Variants in PHF20L1 observed in about 807,000 individuals in gnomAD.
PHF20L1 encodes PHD finger protein 20 like 1, also known as PHD finger protein 20-like protein 1.
A neutral mutation model predicts 125.5 loss-of-function variants in PHF20L1; 44 were observed. That is an observed-to-expected ratio of 0.35 (90% CI 0.28 to 0.45). The LOEUF (loss-of-function observed/expected upper bound fraction) is 0.45, where lower values mean the gene tolerates loss of function less well. PHF20L1 is among the 20% of genes least tolerant of loss of function. PHF20L1 has a pLI of 1.00. For missense variants in PHF20L1, 1,012 were observed against 1,217.2 expected, an observed-to-expected ratio of 0.83 and a Z score of 2.51; for synonymous variants, 380 against 403.1, an observed-to-expected ratio of 0.94 and a Z score of 0.69.
At chr8:132,811,235 G>T in intron 9 of PHF20L1, 107 bp downstream of exon 9, 1 of 1,519,328 alleles carries the variant, frequency 6.6e-7, no homozygotes, top group Non-Finnish European at 8.8e-7. Context: ...TATGGGAATA[G>T]GAAGCTAATT....
rs1440143651 is a variant in PHF20L1 at position 132,791,348 on chromosome 8, G to A, written c.84-3062G>A. Among the ~76,000 whole-genome samples, 6 of 151,114 alleles carry A rather than the reference G, an allele frequency of 4.0e-5. No homozygotes were observed. In the East Asian group the frequency reaches 1.2e-3, roughly 29 times the overall value. On this transcript the variant is annotated intron_variant, in intron 2 of 20. Transcript: ENST00000395386. ...GGCTCACTGCAACCTCTGCCTCCCG[G>A]GTTCAAGCGATTCTCCTGCCTCAGC...
At position 132,799,225 on chromosome 8, in the gene PHF20L1, C is replaced by T. The variant is rs112303362; in HGVS notation, c.507+53C>T. 3.0e-4 allele frequency: 312 copies of T among 1,023,012 alleles called. 1 individual carries two copies. In the African/African-American group the frequency reaches 4.5e-3, roughly 15 times the overall value. The allele number at this position is 1,023,012 out of a possible 1,614,324, so 63.4% of individuals were successfully genotyped here. A position where few individuals can be genotyped will look rare whatever the true frequency, so the allele number is the denominator to read the frequency against. On this transcript the variant is annotated intron_variant, in intron 6 of 20. Transcript: ENST00000395386. The stretch of plus-strand genomic sequence containing the variant: ...TTTTGTTTTTCCTGGTATATAATGT[C>T]ATTTAGAAAGTTAAAAATTTTTAAT...
chr8:132,811,830 T>C (rs1834425930), intron 9 of PHF20L1: 8 of 984,660 alleles, frequency 8.1e-6, no homozygotes, highest in Non-Finnish European at 9.6e-6. Context: ...CTGGATTTCC[T>C]TGGTTCTCCT....
At chr8:132,817,600 T>C in intron 12 of PHF20L1, 55 bp downstream of exon 12, 2 of 1,218,260 alleles carry the variant, frequency 1.6e-6, no homozygotes, top group South Asian at 1.4e-5. Flanking sequence ...AGGCTTGCAG[T>C]TATTAGGTAT....
intron 2 of PHF20L1, among the ~76,000 whole-genome samples, chr8:132,788,145 C>T (rs1769292391): frequency 6.6e-6 from 1 of 152,040 alleles, no homozygotes; most frequent in Admixed American, 6.6e-5. Flanking sequence ...AAGAGAACAT[C>T]CTTGTTCAGA....
At position 132,777,858 on chromosome 8, in the gene PHF20L1, A is replaced by C; in HGVS notation, c.30A>C (p.Gly10=). Residue 10 remains glycine (G), a synonymous_variant, in exon 2 of 21, where the codon GGA becomes GGC. Transcript: ENST00000395386. ...GTAAAAAGCCCCCAAATCGCCCTGG[A>C]ATCACTTTTGAGATTGGTGCTCGTT... MSKKPPNRP[G]ITFEIGARLE... 6.2e-7 allele frequency: 1 copy of C among 1,613,422 alleles called. No individual in the cohort carries two copies. Among genetic ancestry groups the C allele is most frequent in the South Asian group, 1.1e-5 (1 of 91,066 alleles).
chr8:132,803,451 T>C (rs939105121), intron 6 of PHF20L1: 1 of 181,332 alleles, frequency 5.5e-6, no homozygotes, highest in Non-Finnish European at 1.1e-5. Context: ...TCCTTTGTAT[T>C]ATGAGAAAGA....
At chr8:132,827,333 A>G (rs1467589019) in intron 14 of PHF20L1, among the ~76,000 whole-genome samples, 1 of 152,052 alleles carries the variant, frequency 6.6e-6, no homozygotes, top group Non-Finnish European at 1.5e-5. Context: ...CAGGCTGCAA[A>G]TAAAACTTCC....
At chr8:132,777,123 C>T (rs1829894861) in intron 1 of PHF20L1, among the ~76,000 whole-genome samples, 1 of 152,080 alleles carries the variant, frequency 6.6e-6, no homozygotes, top group Non-Finnish European at 1.5e-5. Flanking sequence ...GTTATTATTG[C>T]TTGTTGAATG....
At chr8:132,831,865 G>A (rs971607498) in intron 14 of PHF20L1, among the ~76,000 whole-genome samples, 3 of 152,036 alleles carry the variant, frequency 2.0e-5, no homozygotes, top group African/African-American at 4.8e-5. Context: ...AGGCCCCAGT[G>A]TGTGTTGTTC....
intron 18 of PHF20L1, chr8:132,842,288 A>G (rs16904752): frequency 0.011 from 4,304 of 402,792 alleles, 123 homozygotes; most frequent in East Asian, 0.076. Context: ...GATGTGAACT[A>G]TCAACACAAT....
chr8:132,844,607 G>A (rs1195723654), intron 20 of PHF20L1, among the ~76,000 whole-genome samples: 2 of 152,058 alleles, frequency 1.3e-5, no homozygotes. Flanking sequence ...AAATTGATTA[G>A]TTTCATTGAA....
chr8:132,802,259 C>T (rs552070568), intron 6 of PHF20L1, among the ~76,000 whole-genome samples: 6 of 151,280 alleles, frequency 4.0e-5, no homozygotes, highest in South Asian at 4.2e-4. Context: ...AACCTTTCAT[C>T]GCTCTTTCAC....
chr8:132,816,943 A>G lies in PHF20L1; in HGVS notation c.1239A>G (p.Arg413=). 1 of 1,612,370 alleles carries G rather than the reference A, an allele frequency of 6.2e-7. No individual in the cohort carries two copies. The part of the protein sequence containing the change: ...PRPFKHSERR[R]RSQRLATLPM... ...CTTTCAAGCATAGTGAGCGGAGAAGAAGATCTCAGCGTTTAGCCACCTTAC... is the reference window on the plus strand; with the variant it reads ...CTTTCAAGCATAGTGAGCGGAGAAGGAGATCTCAGCGTTTAGCCACCTTAC... Residue 413 remains arginine, a synonymous_variant, in exon 11 of 21, where the codon AGA becomes AGG. Coordinates refer to ENST00000395386, the MANE Select transcript of PHF20L1 (RefSeq NM_016018.5).
At chr8:132,821,511 A>G (rs1835592677) in intron 12 of PHF20L1, among the ~76,000 whole-genome samples, 1 of 151,872 alleles carries the variant, frequency 6.6e-6, no homozygotes, top group Non-Finnish European at 1.5e-5. Flanking sequence ...TTTGTTTTAA[A>G]TTGTTTTTCA....
chr8:132,828,002 C>T (rs1364921255), intron 14 of PHF20L1, among the ~76,000 whole-genome samples: 1 of 151,956 alleles, frequency 6.6e-6, no homozygotes, highest in Non-Finnish European at 1.5e-5. Flanking sequence ...AGAAATGGCA[C>T]TTTTCCCCAG....
intron 2 of PHF20L1, among the ~76,000 whole-genome samples, chr8:132,780,566 C>G (rs1385218978): frequency 6.6e-6 from 1 of 151,992 alleles, no homozygotes; most frequent in African/African-American, 2.4e-5. Context: ...TTTTTGCATC[C>G]ATATTGAATG....
At chr8:132,777,977 A>T (rs1307216614) in intron 2 of PHF20L1, 66 bp downstream of exon 2, 1 of 967,266 alleles carries the variant, frequency 1.0e-6, no homozygotes, top group East Asian at 2.4e-5. Context: ...TGTTAATTAA[A>T]ACAGTAAATT....
At chr8:132,807,623 A>G (rs1282040416) in intron 8 of PHF20L1, 3 of 421,082 alleles carry the variant, frequency 7.1e-6, no homozygotes, top group Non-Finnish European at 1.4e-5. Context: ...GAATACCTGG[A>G]TGAAAAGTAG....
Sources: allele counts gnomAD v4.1 joint callset (sites outside exome capture counted in the v4.1 genomes callset), GRCh38; gene constraint gnomAD v4.1.1; transcripts MANE v1.5; gene names NCBI Gene and HGNC (gene_info 2026-07-23, HGNC 2026-07-21).